Variants in SULF2 observed in about 807,000 individuals in gnomAD.
SULF2 encodes extracellular sulfatase Sulf-2.
Under a neutral mutation model 107.7 loss-of-function variants are expected in SULF2, and 52 were observed. That is an observed-to-expected ratio of 0.48 (90% confidence interval 0.39 to 0.61). The LOEUF (loss-of-function observed/expected upper bound fraction) is 0.61, where lower values mean the gene tolerates loss of function less well. Ranked by LOEUF, SULF2 falls within the 20% of genes least tolerant of loss-of-function variation. SULF2 has a pLI of 0.00. For synonymous variants in SULF2, 460 were observed against 464.3 expected (o/e 0.99, Z 0.12); for missense variants, 993 against 1,177.3 (o/e 0.84, Z 2.29).
chr20:47,711,632 C>T (rs13043978), intron 3 of SULF2, among the ~76,000 whole-genome samples: 20,971 of 152,280 alleles, frequency 0.14, 1,894 homozygotes, highest in Middle Eastern at 0.25. Context: ...AATCGACAAA[C>T]AGCTCTCTAA....
At chr20:47,745,690 G>A (rs949514191) in intron 2 of SULF2, among the ~76,000 whole-genome samples, 46 of 151,154 alleles carry the variant, frequency 3.0e-4, no homozygotes, top group African/African-American at 1.1e-3. Flanking sequence ...TATCATTCCC[G>A]GCTAATTTTT....
intron 2 of SULF2, among the ~76,000 whole-genome samples, chr20:47,740,793 G>A (rs577361027): frequency 2.0e-5 from 3 of 152,274 alleles, no homozygotes; most frequent in Non-Finnish European, 1.5e-5. Context: ...ATCCCTTGAT[G>A]TGTGGCTTGG....
intron 2 of SULF2, among the ~76,000 whole-genome samples, chr20:47,754,806 C>T (rs1177900135): frequency 2.0e-5 from 3 of 152,214 alleles, no homozygotes; most frequent in Non-Finnish European, 4.4e-5. Flanking sequence ...AGAGCAGTGG[C>T]TAAGATCACG....
chr20:47,767,768 G>A (rs1003297566), intron 1 of SULF2, among the ~76,000 whole-genome samples: 1 of 151,814 alleles, frequency 6.6e-6, no homozygotes, highest in African/African-American at 2.4e-5. Flanking sequence ...GAGCAAGACC[G>A]TGTCTCAAAA....
rs370237188 is a variant in SULF2, at chr20:47,736,744, C to T, written c.374G>A (p.Arg125His). ...GCTATTGAGGTACACGGCAAAGGTG[C>T]GGCTCTCGTGCTGTGCCTGCCAGGA... ...SPSWQAQHES[R>H]TFAVYLNSTG... Residue 125 changes from arginine (R) to histidine (H), a missense_variant, in exon 3 of 21, where the codon CGC becomes CAC. Coordinates refer to ENST00000688720, the MANE Select transcript of SULF2 (RefSeq NM_001387048.1). 9.3e-6 allele frequency: 15 copies of T among 1,614,200 alleles called. No homozygotes were observed. The highest frequency in any genetic ancestry group is 8.8e-5 in the South Asian group (8 of 91,080).
chr20:47,685,744 A>C (rs1048293518), intron 5 of SULF2: 4 of 149,502 alleles, frequency 2.7e-5, no homozygotes, highest in Admixed American at 1.3e-4. Context: ...TGAACTCCTG[A>C]CCTCAGGTGA....
intron 1 of SULF2, among the ~76,000 whole-genome samples, chr20:47,764,956 G>A (rs976948035): frequency 2.0e-5 from 3 of 152,110 alleles, no homozygotes; most frequent in Non-Finnish European, 4.4e-5. Context: ...GATAAGGCAC[G>A]GACAGGTTCC....
intron 3 of SULF2, among the ~76,000 whole-genome samples, chr20:47,732,227 G>T (rs1444491120): frequency 6.6e-6 from 1 of 152,096 alleles, no homozygotes; most frequent in African/African-American, 2.4e-5. Context: ...TGCCTACCAC[G>T]ACCATGTACC....
chr20:47,726,172 C>G (rs1020923235), intron 3 of SULF2, among the ~76,000 whole-genome samples: 2 of 152,100 alleles, frequency 1.3e-5, no homozygotes, highest in East Asian at 3.9e-4. Flanking sequence ...TGTGTCACTC[C>G]CCACTCCCAA....
chr20:47,756,960 C>A (rs1389304639), intron 2 of SULF2, among the ~76,000 whole-genome samples: 1 of 152,222 alleles, frequency 6.6e-6, no homozygotes, highest in Non-Finnish European at 1.5e-5. Context: ...CTCTTTAACT[C>A]TTTGGAGAAA....
intron 3 of SULF2, among the ~76,000 whole-genome samples, chr20:47,728,607 G>A (rs753194584): frequency 1.2e-4 from 18 of 152,150 alleles, no homozygotes; most frequent in African/African-American, 3.9e-4. Context: ...ACCCGCGAGG[G>A]CACAGAACAG....
At chr20:47,745,395 AAAAAAAAAAAAAAAAAT>A (rs1189608074) in intron 2 of SULF2, among the ~76,000 whole-genome samples, 32 of 22,196 alleles carry the variant, frequency 1.4e-3, no homozygotes, top group Non-Finnish European at 1.9e-3. Context: ...AAAAAAAAAA[AAAAAAAAAAAAAAAAAT>A]ATATATATAT....
intron 1 of SULF2, among the ~76,000 whole-genome samples, chr20:47,779,028 C>G (rs1449881473): frequency 1.3e-5 from 2 of 152,184 alleles, no homozygotes; most frequent in Non-Finnish European, 2.9e-5. Flanking sequence ...TCATCTCAAA[C>G]CCAACATTTC....
chr20:47,673,931 C>A (rs183684169), intron 10 of SULF2, among the ~76,000 whole-genome samples: 7 of 152,352 alleles, frequency 4.6e-5, no homozygotes, highest in Admixed American at 3.3e-4. Flanking sequence ...ACTTAGCTCT[C>A]TCTGCCTGGA....
At chr20:47,669,828 A>T (rs1378216727) in intron 11 of SULF2, among the ~76,000 whole-genome samples, 1 of 152,200 alleles carries the variant, frequency 6.6e-6, no homozygotes, top group Non-Finnish European at 1.5e-5. Context: ...AGCATTAATA[A>T]GGGGAAAAGA....
intron 1 of SULF2, among the ~76,000 whole-genome samples, chr20:47,780,839 C>A (rs186975411): frequency 5.6e-4 from 85 of 152,354 alleles, no homozygotes; most frequent in African/African-American, 1.9e-3. Flanking sequence ...TAGGCATGAG[C>A]CAGCACGCCA....
intron 3 of SULF2, among the ~76,000 whole-genome samples, chr20:47,715,858 C>T (rs556270890): frequency 6.6e-6 from 1 of 152,318 alleles, no homozygotes; most frequent in African/African-American, 2.4e-5. Flanking sequence ...GGATTACAGG[C>T]GTGAGCCACT....
chr20:47,667,325 G>A (rs1179217266), intron 11 of SULF2, among the ~76,000 whole-genome samples: 2 of 152,180 alleles, frequency 1.3e-5, no homozygotes, highest in Admixed American at 6.5e-5. Context: ...GCTACACCCA[G>A]GTGGGCCGGC....
intron 3 of SULF2, among the ~76,000 whole-genome samples, chr20:47,731,197 T>TTTTTTTTTTTTTTTATTTTTTTTTA (rs2089600869): frequency 9.4e-6 from 1 of 105,886 alleles, no homozygotes; most frequent in African/African-American, 3.4e-5. Context: ...CTTTTTTTTT[T>TTTTTTTTTTTTTTTATTTTTTTTTA]TTTTTTTTTT....
Sources: gnomAD v4.1 joint callset for allele counts (sites outside exome capture counted in the v4.1 genomes callset) on GRCh38, gnomAD v4.1.1 for gene constraint, MANE v1.5 for transcripts, NCBI Gene and HGNC (gene_info 2026-07-23, HGNC 2026-07-21) for gene names.